RYR2: variants seen among roughly 807,000 people sequenced by gnomAD.
RYR2 encodes cardiac muscle ryanodine receptor-calcium release channel.
A neutral mutation model predicts 601.1 loss-of-function variants in RYR2; 227 were observed. The observed-to-expected ratio is 0.38, with a 90% CI of 0.34 to 0.42. RYR2 has a LOEUF of 0.42. Ranked by LOEUF, RYR2 falls within the 10% of genes least tolerant of loss-of-function variation. The pLI is 1.00. For synonymous variants in RYR2, 2,223 were observed against 2,175.1 expected (o/e 1.02, Z -0.61); for missense variants, 4,646 against 6,156.5 (o/e 0.75, Z 8.21).
intron 1 of RYR2, among the ~76,000 whole-genome samples, chr1:237,063,886 C>G (rs1663203074): frequency 1.3e-5 from 2 of 152,118 alleles, no homozygotes; most frequent in African/African-American, 4.8e-5. Flanking sequence ...CACCCCCGAC[C>G]CCACCCCCAG....
intron 13 of RYR2, among the ~76,000 whole-genome samples, chr1:237,442,765 C>T (rs1354689302): frequency 6.6e-6 from 1 of 152,034 alleles, no homozygotes; most frequent in African/African-American, 2.4e-5. Context: ...TTCCCCATTG[C>T]CTATGCTCTT....
chr1:237,373,203 G>A (rs1700774751), intron 6 of RYR2, among the ~76,000 whole-genome samples: 2 of 152,178 alleles, frequency 1.3e-5, no homozygotes, highest in Non-Finnish European at 2.9e-5. Context: ...CCTGTCTTGA[G>A]GTCAGACTGA....
chr1:237,303,680 T>C (rs1365707549), intron 2 of RYR2, among the ~76,000 whole-genome samples: 1 of 152,222 alleles, frequency 6.6e-6, no homozygotes, highest in Non-Finnish European at 1.5e-5. Context: ...ATATTAAATA[T>C]ACATATGTAC....
chr1:237,261,677 C>T (rs543934712), intron 1 of RYR2, among the ~76,000 whole-genome samples: 4 of 152,320 alleles, frequency 2.6e-5, no homozygotes, highest in Non-Finnish European at 4.4e-5. Flanking sequence ...GGGCAGATCA[C>T]TTAAGCCCAG....
intron 36 of RYR2, among the ~76,000 whole-genome samples, chr1:237,612,484 C>A (rs887723218): frequency 2.0e-5 from 3 of 152,064 alleles, no homozygotes; most frequent in African/African-American, 7.2e-5. Flanking sequence ...AAAAATTAAT[C>A]TGGCTAGTTA....
intron 1 of RYR2, among the ~76,000 whole-genome samples, chr1:237,181,544 T>C (rs1678759272): frequency 6.6e-6 from 1 of 152,140 alleles, no homozygotes. Context: ...ATGAGAGATG[T>C]TTTTGATGCT....
intron 20 of RYR2, among the ~76,000 whole-genome samples, chr1:237,499,479 T>C (rs1312484511): frequency 6.6e-6 from 1 of 152,222 alleles, no homozygotes; most frequent in Non-Finnish European, 1.5e-5. Flanking sequence ...TTGATTATAA[T>C]AGATATCGTG....
intron 60 of RYR2, among the ~76,000 whole-genome samples, chr1:237,676,822 C>T (rs145503380): frequency 2.0e-5 from 3 of 152,168 alleles, no homozygotes; most frequent in African/African-American, 4.8e-5. Context: ...TCACATTTTG[C>T]ACAGAAGCAT....
intron 11 of RYR2, 55 bp downstream of exon 11, chr1:237,417,178 C>A: frequency 7.3e-7 from 1 of 1,363,580 alleles, no homozygotes; most frequent in African/African-American, 1.4e-5. Context: ...AATAGCTCAG[C>A]GTTGTGCTTC....
intron 2 of RYR2, among the ~76,000 whole-genome samples, chr1:237,309,677 G>C (rs1240588871): frequency 6.6e-6 from 1 of 152,116 alleles, no homozygotes; most frequent in Non-Finnish European, 1.5e-5. Flanking sequence ...CCATGGAGCA[G>C]GGGGCGGCGC....
intron 72 of RYR2, 29 bp from the exon 73 acceptor site, chr1:237,718,433 C>T: frequency 8.2e-7 from 1 of 1,222,784 alleles, no homozygotes; most frequent in Non-Finnish European, 1.2e-6. Flanking sequence ...ATAGAAGACT[C>T]CTTTTAGGTA....
intron 29 of RYR2, among the ~76,000 whole-genome samples, chr1:237,571,338 G>A (rs550119070): frequency 9.1e-4 from 126 of 137,768 alleles, no homozygotes; most frequent in Admixed American, 2.2e-3. Flanking sequence ...TTTTAAGACA[G>A]AGTTTCACTC....
rs1041429670 is a variant in RYR2 at position 237,707,111 on chromosome 1, G to A, written c.9743G>A (p.Arg3248His). 9 of 1,613,918 alleles carry A rather than the reference G, an allele frequency of 5.6e-6. No individual in the cohort carries two copies. Among genetic ancestry groups the A allele is most frequent in the Admixed American group, 5.0e-5 (3 of 60,014 alleles). ...CCCATGCTTTGCAGCTACATGTCTC[G>A]TTGGTGGGAGCATGGACCTGAGAAC... ...ILPMLCSYMS[R>H]WWEHGPENNP... is the part of the protein sequence containing the mutation. Residue 3248 changes from arginine to histidine, a missense_variant, in exon 68 of 105, where the codon CGT (arginine) becomes CAT (histidine). By Grantham distance (29) the Arg-to-His change is conservative. This residue lies in a region of RYR2 where 1,497 missense variants were observed against 1,842.6 expected (regional missense o/e 0.81). Transcript: ENST00000366574.
At chr1:237,206,370 T>C (rs1326026240) in intron 1 of RYR2, among the ~76,000 whole-genome samples, 1 of 152,338 alleles carries the variant, frequency 6.6e-6, no homozygotes, top group East Asian at 1.9e-4. Context: ...TTACTTTAGG[T>C]ACCATTTATT....
chr1:237,456,664 TTGCTGATG>T lies in RYR2; in HGVS notation c.1543_1550del (p.Ala515CysfsTer18). 1.2e-6 allele frequency: 2 copies of T among 1,613,718 alleles called. No homozygotes were observed. The highest frequency in any genetic ancestry group is 1.7e-6 in the Non-Finnish European group (2 of 1,179,688). ...CACGTCTACAGCAGTGCAGCACACTTTGCTGATGTTGCTGGGCGAGAAGCAGGAGAGTC... is the reference window on the plus strand; with the variant it reads ...CACGTCTACAGCAGTGCAGCACACTTTTGCTGGGCGAGAAGCAGGAGAGTC... On this transcript the variant is annotated frameshift_variant, in exon 16 of 105. Coordinates refer to ENST00000366574, the MANE Select transcript of RYR2 (RefSeq NM_001035.3). LOFTEE classifies it high-confidence loss of function.
At position 237,553,758 on chromosome 1, in the gene RYR2, T is replaced by TTGTC. The variant is rs1553498530; in HGVS notation, c.3214+3069_3214+3070insTCTG. On this transcript the variant is annotated intron_variant, in intron 27 of 104. Coordinates refer to ENST00000366574, the MANE Select transcript of RYR2 (RefSeq NM_001035.3). ...TCAGACTAGAGGTCTTATACATTAT[T>TTGTC]TGATTTATCTATATTTTTGATACTA... Among the ~76,000 whole-genome samples, 1,072 of 151,648 alleles carry TTGTC rather than the reference T, an allele frequency of 7.1e-3. 10 individuals are homozygous for TTGTC. The highest frequency in any genetic ancestry group is 0.025 in the African/African-American group (1,031 of 41,450).
chr1:237,052,983 G>T (rs923400122), intron 1 of RYR2, among the ~76,000 whole-genome samples: 1 of 152,028 alleles, frequency 6.6e-6, no homozygotes, highest in Non-Finnish European at 1.5e-5. Flanking sequence ...TGAGTAGCTG[G>T]GATTACAGGT....
intron 48 of RYR2, among the ~76,000 whole-genome samples, chr1:237,645,871 T>G (rs1415297061): frequency 1.3e-5 from 2 of 151,586 alleles, no homozygotes; most frequent in Admixed American, 6.6e-5. Flanking sequence ...ATCTCTGCTT[T>G]TTTTTTTTTG....
chr1:237,270,865 G>A (rs1689617278), intron 2 of RYR2, among the ~76,000 whole-genome samples: 1 of 152,164 alleles, frequency 6.6e-6, no homozygotes, highest in African/African-American at 2.4e-5. Context: ...TAGTAGAAAA[G>A]CAAACAAGTA....
Sources: allele counts gnomAD v4.1 joint callset (sites outside exome capture counted in the v4.1 genomes callset), GRCh38; gene constraint gnomAD v4.1.1; regional missense constraint gnomAD v4.1.1; transcripts MANE v1.5; gene names NCBI Gene and HGNC (gene_info 2026-07-23, HGNC 2026-07-21).